ATP5MC1: variants seen among roughly 807,000 people sequenced by gnomAD.
ATP5MC1 encodes the protein ATP synthase F(0) complex subunit C1, mitochondrial.
A neutral mutation model predicts 12.1 loss-of-function variants in ATP5MC1; 4 were observed. That is an observed-to-expected ratio of 0.33 (90% CI 0.16 to 0.76). The LOEUF is 0.76. Ranked by LOEUF, ATP5MC1 falls within the 30% of genes least tolerant of loss-of-function variation. ATP5MC1 has a pLI of 0.61. For synonymous variants in ATP5MC1, 52 were observed against 66.0 expected, an observed-to-expected ratio of 0.79 and a Z score of 1.03; for missense variants, 117 against 172.1, an observed-to-expected ratio of 0.68 and a Z score of 1.79.
At chr17:48,895,374 C>T (rs753258296) in intron 4 of ATP5MC1, 40 bp downstream of exon 4, 26 of 1,547,332 alleles carry the variant, frequency 1.7e-5, no homozygotes, top group Non-Finnish European at 2.2e-5. Flanking sequence ...ACTGTAAATT[C>T]CACCCCGTTT....
chr17:48,895,170 C>A lies in ATP5MC1; in HGVS notation c.132C>A (p.Asn44Lys). The A allele has an allele frequency of 3.1e-6, 5 of 1,605,160 alleles. No individual in the cohort carries two copies. The highest frequency in any genetic ancestry group is 1.1e-5 in the South Asian group (1 of 90,754). ...VNSSKQPSYSNFPLQVARREF... is the reference protein window; with the variant it reads ...VNSSKQPSYSKFPLQVARREF... The stretch of plus-strand genomic sequence containing the variant: ...TCTCTTTCTAGCCTTCCTACAGCAA[C>A]TTCCCACTCCAGGTGGCCAGACGGG... The change falls in exon 4 of 5, where the codon AAC becomes AAA. Residue 44 changes from asparagine (N) to lysine (K), a missense_variant. Transcript: ENST00000393366.
At position 48,894,365 on chromosome 17, in the gene ATP5MC1, T is replaced by TG. The variant is rs2040553694; in HGVS notation, c.40-7_40-6insG. 1 of 1,613,732 alleles carries TG rather than the reference T, an allele frequency of 6.2e-7. No homozygotes were observed. The highest frequency in any genetic ancestry group is 1.1e-5 in the South Asian group (1 of 91,024). On this transcript the variant is annotated splice_polypyrimidine_tract_variant and splice_region_variant and intron_variant, in intron 2 of 4. Transcript: ENST00000393366. ...ATTTGGTAGGATGTGGCTTTCTGAT[T>TG]TTACAGATCCGCTGTTGTACCAGGG...
chr17:48,893,890 C>T (rs2040550766), intron 2 of ATP5MC1: 2 of 219,610 alleles, frequency 9.1e-6, no homozygotes, highest in Non-Finnish European at 1.8e-5. Context: ...GTTTGAGAAC[C>T]ACTGCACTAA....
rs1478377643 is a variant in ATP5MC1 at position 48,895,156 on chromosome 17, C to G, written c.118C>G (p.Pro40Ala). ...LNSPVNSSKQ[P>A]SYSNFPLQVA... ...TCGCCTGCCTTGCTTCTCTTTCTAG[C>G]CTTCCTACAGCAACTTCCCACTCCA... Residue 40 changes from proline (P) to alanine (A), a missense_variant and splice_region_variant, in exon 4 of 5, where the codon CCT becomes GCT. By Grantham distance (27) the Pro-to-Ala change is conservative. Coordinates refer to ENST00000393366, the MANE Select transcript of ATP5MC1 (RefSeq NM_005175.3). 6.3e-7 allele frequency: 1 copy of G among 1,599,872 alleles called. No individual in the cohort carries two copies. Among genetic ancestry groups the G allele is most frequent in the Admixed American group, 1.7e-5 (1 of 59,550 alleles).
intron 3 of ATP5MC1, 102 bp from the exon 4 acceptor site, chr17:48,895,054 T>C: frequency 7.2e-7 from 1 of 1,394,894 alleles, no homozygotes; most frequent in Non-Finnish European, 9.9e-7. Context: ...TTGCCAACAG[T>C]TTCAGAGCTC....
At chr17:48,894,868 G>T (rs1188452458) in intron 3 of ATP5MC1, 1 of 580,754 alleles carries the variant, frequency 1.7e-6, no homozygotes, top group African/African-American at 1.8e-5. Flanking sequence ...TGGAGAATCT[G>T]TATGCTTTAA....
At chr17:48,895,037 A>T in intron 3 of ATP5MC1, 119 bp from the exon 4 acceptor site, 1 of 1,143,542 alleles carries the variant, frequency 8.7e-7, no homozygotes, top group East Asian at 2.4e-5. Flanking sequence ...TGCATTTACC[A>T]GGCAGTTTGC....
At chr17:48,894,779 A>AT (rs1484846996) in intron 3 of ATP5MC1, 9 of 520,050 alleles carry the variant, frequency 1.7e-5, no homozygotes, top group South Asian at 3.1e-5. Context: ...CCATTAATTA[A>AT]TTTTTTTTAA....
chr17:48,892,968 G>A, intron 1 of ATP5MC1, 58 bp downstream of exon 1: 1 of 172,888 alleles, frequency 5.8e-6, no homozygotes, highest in South Asian at 1.2e-4. Flanking sequence ...AGTGTGGAGG[G>A]GTATTTCCCC....
chr17:48,895,672 A>G lies in ATP5MC1; in HGVS notation c.314A>G (p.Gln105Arg). The G allele has an allele frequency of 6.2e-7, 1 of 1,613,824 alleles. No homozygotes were observed. Among genetic ancestry groups the G allele is most frequent in the East Asian group, 2.2e-5 (1 of 44,866 alleles). ...IGYARNPSLKQQLFSYAILGF... is the reference protein window; with the variant it reads ...IGYARNPSLKRQLFSYAILGF... ...CCTCCCAGGAACCCGTCTCTCAAGC[A>G]GCAGCTCTTCTCCTATGCCATTCTT... The change falls in exon 5 of 5, where the codon CAG (glutamine) becomes CGG (arginine). Residue 105 changes from glutamine to arginine, a missense_variant. By Grantham distance (43) the Gln-to-Arg change is conservative. Coordinates refer to ENST00000393366, the MANE Select transcript of ATP5MC1 (RefSeq NM_005175.3).
rs761613576 is a variant in ATP5MC1, at chr17:48,892,854, C to T, written c.-66C>T. The stretch of plus-strand genomic sequence containing the variant: ...TAAAGCTGGGAGGTGAGTCTGTCAC[C>T]TTGAGCCGGGCGAGCGCTGTGGGCC... On this transcript the variant is annotated 5_prime_UTR_variant, in exon 1 of 5. Transcript: ENST00000393366. The T allele has an allele frequency of 2.5e-4, 38 of 154,886 alleles. No individual in the cohort carries two copies. Among genetic ancestry groups the T allele is most frequent in the Non-Finnish European group, 4.7e-4 (33 of 69,610 alleles). The allele number at this position is 154,886 out of a possible 1,614,324, so 9.6% of individuals were successfully genotyped here. A position where few individuals can be genotyped will look rare whatever the true frequency, so the allele number is the denominator to read the frequency against.
intron 2 of ATP5MC1, 80 bp from the exon 3 acceptor site, chr17:48,894,292 G>T: frequency 7.7e-7 from 1 of 1,306,694 alleles, no homozygotes; most frequent in East Asian, 2.3e-5. Flanking sequence ...TATGAAATCT[G>T]TAGTCATTTT....
At chr17:48,893,133 C>T in intron 1 of ATP5MC1, 3 of 467,396 alleles carry the variant, frequency 6.4e-6, no homozygotes, top group Non-Finnish European at 1.2e-5. Flanking sequence ...CCAGTATCCG[C>T]CTCCAGTCTT....
chr17:48,894,679 G>A, intron 3 of ATP5MC1: 1 of 520,540 alleles, frequency 1.9e-6, no homozygotes, highest in Non-Finnish European at 3.5e-6. Context: ...TGAGATGAGA[G>A]GATTGGTTAA....
intron 3 of ATP5MC1, chr17:48,894,708 C>T: frequency 2.0e-6 from 1 of 509,138 alleles, no homozygotes; most frequent in Non-Finnish European, 3.6e-6. Flanking sequence ...GTCGAGACTG[C>T]TGTGACTATG....
intron 4 of ATP5MC1, 88 bp downstream of exon 4, chr17:48,895,422 T>C: frequency 6.7e-7 from 1 of 1,493,006 alleles, no homozygotes; most frequent in Non-Finnish European, 9.0e-7. Flanking sequence ...TTCAGGAGCC[T>C]TCAGGTTGAT....
chr17:48,893,291 G>A, intron 1 of ATP5MC1, 118 bp from the exon 2 acceptor site: 1 of 1,026,574 alleles, frequency 9.7e-7, no homozygotes. Context: ...ACGGTGCAAG[G>A]AAGAGCGTGG....
Position 48,895,287 on chromosome 17 carries a change from G to C in ATP5MC1, c.249G>C (p.Gly83=), listed in dbSNP as rs1567772459. 1.2e-6 allele frequency: 2 copies of C among 1,606,200 alleles called. No individual in the cohort carries two copies. The highest frequency in any genetic ancestry group is 1.7e-5 in the Admixed American group (1 of 59,824). Residue 83 remains glycine (G), a synonymous_variant, in exon 4 of 5, where the codon GGG becomes GGC. Coordinates refer to ENST00000393366, the MANE Select transcript of ATP5MC1 (RefSeq NM_005175.3). ...GAATVGVAGS[G]AGIGTVFGSL... ...CCACAGTTGGTGTGGCTGGTTCAGG[G>C]GCTGGCATTGGAACCGTGTTTGGCA...
At position 48,895,245 on chromosome 17, in the gene ATP5MC1, T is replaced by C; in HGVS notation, c.207T>C (p.Phe69=). 3.1e-6 allele frequency: 5 copies of C among 1,612,520 alleles called. No individual in the cohort carries two copies. Among genetic ancestry groups the C allele is most frequent in the Non-Finnish European group, 4.2e-6 (5 of 1,178,670 alleles). The change falls in exon 4 of 5, where the codon TTT becomes TTC. Residue 69 remains phenylalanine, a synonymous_variant. Coordinates refer to ENST00000393366, the MANE Select transcript of ATP5MC1 (RefSeq NM_005175.3). ...VSRDIDTAAK[F]IGAGAATVGV... is the part of the protein sequence containing the mutation. ...GGGACATTGACACAGCAGCCAAGTTTATTGGTGCTGGGGCAGCCACAGTTG... is the reference window on the plus strand; with the variant it reads ...GGGACATTGACACAGCAGCCAAGTTCATTGGTGCTGGGGCAGCCACAGTTG...
Sources: gnomAD v4.1 joint callset for allele counts on GRCh38, gnomAD v4.1.1 for gene constraint, MANE v1.5 for transcripts, NCBI Gene and HGNC (gene_info 2026-07-23, HGNC 2026-07-21) for gene names.